ANKFN1: variants seen among roughly 807,000 people sequenced by gnomAD.
The protein encoded by ANKFN1 is ankyrin repeat and fibronectin type-III domain-containing protein 1.
In ANKFN1, 74 loss-of-function variants were observed where a neutral mutation model predicts 108.7. That is an observed-to-expected ratio of 0.68 (90% confidence interval 0.56 to 0.83). The LOEUF is 0.83. Among genes scored for constraint, ANKFN1 ranks in the 40% least tolerant of loss-of-function variants. The pLI is 0.00. For missense variants in ANKFN1, 1,505 were observed against 1,382.3 expected (o/e 1.09, Z -1.41); for synonymous variants, 547 against 516.2 (o/e 1.06, Z -0.81).
At chr17:56,073,032 G>A (rs904089658) in intron 4 of ANKFN1, among the ~76,000 whole-genome samples, 36 of 151,052 alleles carry the variant, frequency 2.4e-4, no homozygotes, top group African/African-American at 7.8e-4. Context: ...TCGCTCTGTC[G>A]CCCAGGCTGG....
At chr17:56,258,197 A>G (rs1238873132) in intron 3 of ANKFN1, 1 of 152,182 alleles carries the variant, frequency 6.6e-6, no homozygotes, top group Non-Finnish European at 1.5e-5. Context: ...TCATTCCACA[A>G]TTTAAATGGG....
intron 3 of ANKFN1, chr17:56,254,240 A>G (rs556896532): frequency 6.6e-6 from 1 of 152,306 alleles, no homozygotes; most frequent in East Asian, 1.9e-4. Flanking sequence ...AATTTATACT[A>G]TTCTGGAGCA....
intron 3 of ANKFN1, among the ~76,000 whole-genome samples, chr17:56,294,302 T>C (rs936659439): frequency 1.3e-5 from 2 of 152,114 alleles, no homozygotes; most frequent in African/African-American, 4.8e-5. Context: ...GGAAACCAAG[T>C]GATAGATCCA....
rs2045426842 is a variant in ANKFN1, at chr17:56,323,448, A to G, written c.54-2773A>G. On this transcript the variant is annotated intron_variant, in intron 3 of 20. Coordinates refer to ENST00000682825, the MANE Select transcript of ANKFN1 (RefSeq NM_001370326.1). The stretch of plus-strand genomic sequence containing the variant: ...TGCAGGCTTATGCTAAGAGTTATAG[A>G]GCACCAGTCTGCAGAGACGAGACGA... The G allele has an allele frequency of 2.0e-5, 3 of 152,686 alleles. No homozygotes were observed. In the South Asian group the frequency reaches 6.2e-4, roughly 32 times the overall value. The allele number at this position is 152,686 out of a possible 1,614,324, so 9.5% of individuals were successfully genotyped here.
At chr17:56,211,199 T>C (rs986953565) in intron 1 of ANKFN1, among the ~76,000 whole-genome samples, 6 of 152,348 alleles carry the variant, frequency 3.9e-5, no homozygotes, top group African/African-American at 1.4e-4. Context: ...TAGAAGGGTT[T>C]TTCCAAAGTT....
chr17:56,313,861 C>T (rs1342657049), intron 3 of ANKFN1, among the ~76,000 whole-genome samples: 1 of 152,110 alleles, frequency 6.6e-6, no homozygotes, highest in Non-Finnish European at 1.5e-5. Flanking sequence ...TAACCAACAC[C>T]TAAATCAAGA....
At chr17:56,087,071 A>G (rs1905328787) in intron 4 of ANKFN1, among the ~76,000 whole-genome samples, 1 of 151,292 alleles carries the variant, frequency 6.6e-6, no homozygotes, top group South Asian at 2.1e-4. Context: ...TGCTGCCACT[A>G]CTACTACTGA....
intron 3 of ANKFN1, among the ~76,000 whole-genome samples, chr17:56,309,172 A>G (rs1368324840): frequency 6.6e-6 from 1 of 152,206 alleles, no homozygotes; most frequent in Non-Finnish European, 1.5e-5. Flanking sequence ...CAGTGAAACA[A>G]TCTTGGACTA....
At chr17:56,229,864 C>T (rs1195828759) in intron 3 of ANKFN1, among the ~76,000 whole-genome samples, 1 of 151,844 alleles carries the variant, frequency 6.6e-6, no homozygotes, top group Non-Finnish European at 1.5e-5. Context: ...CAAAATGGGT[C>T]TACCCAGCTC....
intron 8 of ANKFN1, among the ~76,000 whole-genome samples, chr17:56,434,185 C>T (rs1413201664): frequency 6.6e-6 from 1 of 152,154 alleles, no homozygotes; most frequent in Admixed American, 6.5e-5. Context: ...GACACCTCTG[C>T]TCCCTACCTG....
intron 19 of ANKFN1, among the ~76,000 whole-genome samples, chr17:56,494,797 G>C (rs1328885873): frequency 6.6e-6 from 1 of 152,084 alleles, no homozygotes; most frequent in Non-Finnish European, 1.5e-5. Context: ...CCATGCCTTA[G>C]GTTCTGTTTC....
chr17:56,209,043 TA>T (rs1914761638), intron 1 of ANKFN1, among the ~76,000 whole-genome samples: 1 of 152,154 alleles, frequency 6.6e-6, no homozygotes, highest in Non-Finnish European at 1.5e-5. Flanking sequence ...TAAGAGCATT[TA>T]AAACTTTTCA....
At chr17:56,274,769 T>A (rs140509088) in intron 3 of ANKFN1, among the ~76,000 whole-genome samples, 1 of 152,296 alleles carries the variant, frequency 6.6e-6, no homozygotes, top group African/African-American at 2.4e-5. Context: ...TAGTTATAAT[T>A]GTTCAAGCTG....
At chr17:56,302,341 A>G (rs2044693629) in intron 3 of ANKFN1, among the ~76,000 whole-genome samples, 1 of 152,096 alleles carries the variant, frequency 6.6e-6, no homozygotes, top group Non-Finnish European at 1.5e-5. Flanking sequence ...TCTGGGCAAC[A>G]TAGCACGACC....
chr17:56,141,606 A>G (rs1907918212), intron 4 of ANKFN1, among the ~76,000 whole-genome samples: 1 of 152,118 alleles, frequency 6.6e-6, no homozygotes, highest in African/African-American at 2.4e-5. Flanking sequence ...AATCACCCAT[A>G]TAGTGTTCCT....
At chr17:56,188,579 GTGTATATATATATATATATATA>G (rs1195974070) in intron 1 of ANKFN1, among the ~76,000 whole-genome samples, 5 of 71,430 alleles carry the variant, frequency 7.0e-5, no homozygotes, top group African/African-American at 1.5e-4. Flanking sequence ...GTGTGTGTGT[GTGTATATATATATATATATATA>G]TATATATATA....
intron 4 of ANKFN1, among the ~76,000 whole-genome samples, chr17:56,135,697 G>A (rs527289204): frequency 1.3e-5 from 2 of 152,224 alleles, no homozygotes; most frequent in South Asian, 4.2e-4. Flanking sequence ...CTGACCTTTG[G>A]AATCTGTTTT....
chr17:56,183,850 T>G (rs1911922895), intron 1 of ANKFN1, among the ~76,000 whole-genome samples: 1 of 152,208 alleles, frequency 6.6e-6, no homozygotes, highest in Non-Finnish European at 1.5e-5. Context: ...CTTCAGCGGA[T>G]GAAGAAACTG....
chr17:56,231,992 C>G (rs1159146344), intron 3 of ANKFN1, among the ~76,000 whole-genome samples: 1 of 152,128 alleles, frequency 6.6e-6, no homozygotes, highest in African/African-American at 2.4e-5. Flanking sequence ...AGTATTCAAA[C>G]TTTCTTTCGC....
Sources: allele counts gnomAD v4.1 joint callset (sites outside exome capture counted in the v4.1 genomes callset), GRCh38; gene constraint gnomAD v4.1.1; transcripts MANE v1.5; gene names NCBI Gene and HGNC (gene_info 2026-07-23, HGNC 2026-07-21).